ZHX3: variants seen among roughly 807,000 people sequenced by gnomAD.
ZHX3 encodes zinc fingers and homeoboxes 3.
A neutral mutation model predicts 64.5 loss-of-function variants in ZHX3; 20 were observed. That is an observed-to-expected ratio of 0.31 (90% CI 0.22 to 0.45). The LOEUF (loss-of-function observed/expected upper bound fraction) is 0.45. Among genes scored for constraint, ZHX3 ranks in the 20% least tolerant of loss-of-function variants. The pLI is 1.00. For synonymous variants in ZHX3, 423 were observed against 461.6 expected, an observed-to-expected ratio of 0.92 and a Z score of 1.07; for missense variants, 1,041 against 1,195.8, an observed-to-expected ratio of 0.87 and a Z score of 1.91.
At position 41,203,616 on chromosome 20, in the gene ZHX3, T is replaced by C. The variant is rs540387364; in HGVS notation, c.1301A>G (p.Asn434Ser). ...AGGGGAACTTGTTGCTTGCAACCCA[T>C]TGGCCATCAATGGCTGAGTGACCAG... ...GLLVTQPLMA[N>S]GLQATSSPLP... The change falls in exon 3 of 4, where the codon AAT (asparagine) becomes AGT (serine). Residue 434 changes from asparagine to serine, a missense_variant. Asn to Ser is a conservative substitution (Grantham distance 46). Transcript: ENST00000683867. The surrounding 1 kb of genome is among the most constrained non-coding windows in gnomAD (Gnocchi z 7.1). 38 of 1,614,226 alleles carry C rather than the reference T, an allele frequency of 2.4e-5. No homozygotes were observed. The highest frequency in any genetic ancestry group is 1.6e-4 in the African/African-American group (12 of 75,062).
rs559270014 is a variant in ZHX3, at chr20:41,235,564, T to C, written c.-150-30498A>G. 1.2e-4 allele frequency among the ~76,000 whole-genome samples: 18 copies of C among 152,226 alleles called. No individual in the cohort carries two copies. The East Asian group carries it at 3.5e-3, about 29-fold the overall frequency. Reference sequence around the variant, plus strand: ...GATGCAGAAAAGGCCTTTGACAAAATTCAACAGCCCTTAATGCTAAAAACT... The same window carrying C: ...GATGCAGAAAAGGCCTTTGACAAAACTCAACAGCCCTTAATGCTAAAAACT... On this transcript the variant is annotated intron_variant, in intron 2 of 3. Coordinates refer to ENST00000683867, the MANE Select transcript of ZHX3 (RefSeq NM_001384317.1).
intron 3 of ZHX3, chr20:41,197,095 G>T: frequency 4.6e-6 from 1 of 218,048 alleles, no homozygotes; most frequent in Non-Finnish European, 9.6e-6. Flanking sequence ...AGAGAAGAAG[G>T]CGTATGTTCA....
rs1288015873 is a variant in ZHX3 at position 41,219,252 on chromosome 20, T to C, written c.-150-14186A>G. The stretch of plus-strand genomic sequence containing the variant: ...CCTTCCCCCTCAACTCTTATTTTTG[T>C]CTAATCACCAACAGAAATAGCCCAC... On this transcript the variant is annotated intron_variant, in intron 2 of 3. Transcript: ENST00000683867. This position sits in a 1 kb window ranked among gnomAD's most constrained non-coding sequence, Gnocchi z 5.0. Among the ~76,000 whole-genome samples the C allele has an allele frequency of 1.1e-4, 17 of 152,254 alleles. No individual in the cohort carries two copies. The highest frequency in any genetic ancestry group is 2.4e-4 in the Non-Finnish European group (16 of 68,000).
Position 41,233,160 on chromosome 20 carries a change from C to A in ZHX3, c.-150-28094G>T, listed in dbSNP as rs576153591. Among the ~76,000 whole-genome samples, 16 of 152,314 alleles carry A rather than the reference C, an allele frequency of 1.1e-4. 1 individual carries two copies. The South Asian group carries it at 2.3e-3, about 22-fold the overall frequency. ...CTGATACAACTAGCTGGCACATGACCATGCAATGCTGAGACATGATAACAT... is the reference window on the plus strand; with the variant it reads ...CTGATACAACTAGCTGGCACATGACAATGCAATGCTGAGACATGATAACAT... On this transcript the variant is annotated intron_variant, in intron 2 of 3. Coordinates refer to ENST00000683867, the MANE Select transcript of ZHX3 (RefSeq NM_001384317.1).
intron 2 of ZHX3, among the ~76,000 whole-genome samples, chr20:41,237,464 G>A (rs6102317): frequency 0.062 from 9,397 of 152,192 alleles, 954 homozygotes; most frequent in African/African-American, 0.22. Context: ...TCCTTTGTAA[G>A]GACATAGATG....
Position 41,224,661 on chromosome 20 carries a change from A to C in ZHX3, c.-150-19595T>G, listed in dbSNP as rs1380043011. Among the ~76,000 whole-genome samples the C allele has an allele frequency of 1.3e-5, 2 of 152,222 alleles. No homozygotes were observed. Among genetic ancestry groups the C allele is most frequent in the Non-Finnish European group, 2.9e-5 (2 of 68,046 alleles). ...GGGACAAGGAAACACTGCTAGAATTAAGGAGGATTAGGATTCTTTCATCAC... is the reference window on the plus strand; with the variant it reads ...GGGACAAGGAAACACTGCTAGAATTCAGGAGGATTAGGATTCTTTCATCAC... On this transcript the variant is annotated intron_variant, in intron 2 of 3. Transcript: ENST00000683867. The surrounding 1 kb of genome is among the most constrained non-coding windows in gnomAD (Gnocchi z 5.2).
At chr20:41,298,335 G>C (rs572229942) in intron 1 of ZHX3, among the ~76,000 whole-genome samples, 3 of 152,218 alleles carry the variant, frequency 2.0e-5, no homozygotes, top group African/African-American at 7.2e-5. Context: ...ATTAACACAG[G>C]GTTAATGATA....
In ZHX3 at chr20:41,232,011, C is replaced by T. The variant is rs1008566096; in HGVS notation, c.-150-26945G>A. Among the ~76,000 whole-genome samples the T allele has an allele frequency of 2.0e-5, 3 of 152,068 alleles. No homozygotes were observed. The highest frequency in any genetic ancestry group is 4.4e-5 in the Non-Finnish European group (3 of 68,004). ...ATGGTTAAAACAACCACATTCCGTA[C>T]CATTAGACGCTGACAGCCCAGACCC... On this transcript the variant is annotated intron_variant, in intron 2 of 3. Transcript: ENST00000683867. The surrounding 1 kb of genome is among the most constrained non-coding windows in gnomAD (Gnocchi z 5.0).
intron 3 of ZHX3, among the ~76,000 whole-genome samples, chr20:41,194,488 TTTTTGTATCTATA>T (rs1359238472): frequency 6.6e-6 from 1 of 152,236 alleles, no homozygotes; most frequent in East Asian, 1.9e-4. Flanking sequence ...TTGTTGGGGA[TTTTTGTATCTATA>T]TTCATAAGAG....
At position 41,218,456 on chromosome 20, in the gene ZHX3, T is replaced by C. The variant is rs536747127; in HGVS notation, c.-150-13390A>G. ...AAGACCCTGTCTCTAAATAAATAAA[T>C]AAATAAATAAATAAATGGTAAAAAG... On this transcript the variant is annotated intron_variant, in intron 2 of 3. Transcript: ENST00000683867. Among the ~76,000 whole-genome samples the C allele has an allele frequency of 8.6e-5, 13 of 152,016 alleles. No homozygotes were observed. In the South Asian group the frequency reaches 2.5e-3, roughly 29 times the overall value.
intron 2 of ZHX3, among the ~76,000 whole-genome samples, chr20:41,239,887 A>C (rs931743358): frequency 6.6e-6 from 1 of 152,216 alleles, no homozygotes; most frequent in African/African-American, 2.4e-5. Context: ...TACAGAGATA[A>C]ATTCTTTTGA....
chr20:41,181,023 C>T lies in ZHX3; in HGVS notation c.*4168G>A, dbSNP rs1040581072. On this transcript the variant is annotated 3_prime_UTR_variant, in exon 4 of 4. Coordinates refer to ENST00000683867, the MANE Select transcript of ZHX3 (RefSeq NM_001384317.1). ...TCAGACAATGGAGCTTTTCTGAGAT[C>T]AAGTGCTCCCCAAACTACATGGGAG... The T allele has an allele frequency of 2.0e-5, 3 of 152,270 alleles. No homozygotes were observed. The highest frequency in any genetic ancestry group is 4.4e-5 in the Non-Finnish European group (3 of 68,078). The allele number at this position is 152,270 out of a possible 1,614,324, so 9.4% of individuals were successfully genotyped here. A position where few individuals can be genotyped will look rare whatever the true frequency, so the allele number is the denominator to read the frequency against.
chr20:41,228,591 C>G lies in ZHX3; in HGVS notation c.-150-23525G>C, dbSNP rs1251244852. Among the ~76,000 whole-genome samples, 1 of 152,106 alleles carries G rather than the reference C, an allele frequency of 6.6e-6. No homozygotes were observed. Among genetic ancestry groups the G allele is most frequent in the East Asian group, 1.9e-4 (1 of 5,194 alleles). On this transcript the variant is annotated intron_variant, in intron 2 of 3. Coordinates refer to ENST00000683867, the MANE Select transcript of ZHX3 (RefSeq NM_001384317.1). This position sits in a 1 kb window ranked among gnomAD's most constrained non-coding sequence, Gnocchi z 4.6. ...ACTGTCCTCACATGGCAGAAGGGAC[C>G]AGGGAGTGTCTGGGGTCTCTTTTAT...
At chr20:41,206,657 A>C (rs200761350) in intron 2 of ZHX3, among the ~76,000 whole-genome samples, 6 of 152,216 alleles carry the variant, frequency 3.9e-5, no homozygotes, top group Non-Finnish European at 8.8e-5. Flanking sequence ...TGTGAAAAGA[A>C]CAAATCTACG....
chr20:41,204,107 C>T lies in ZHX3; in HGVS notation c.810G>A (p.Gln270=), dbSNP rs1380282057. ...TVPVLPAGIA[Q]FLSLQQQPPV... The stretch of plus-strand genomic sequence containing the variant: ...GGGGCTGCTGCTGGAGGGAGAGGAA[C>T]TGTGCTATGCCAGCTGGCAAAACTG... The change falls in exon 3 of 4, where the codon CAG becomes CAA. Residue 270 remains glutamine (Q), a synonymous_variant. Transcript: ENST00000683867. The surrounding 1 kb of genome is among the most constrained non-coding windows in gnomAD (Gnocchi z 6.6). 2 of 1,605,374 alleles carry T rather than the reference C, an allele frequency of 1.2e-6. No homozygotes were observed. The highest frequency in any genetic ancestry group is 2.7e-5 in the African/African-American group (2 of 74,786).
intron 1 of ZHX3, among the ~76,000 whole-genome samples, chr20:41,313,598 T>C (rs976250041): frequency 1.4e-5 from 2 of 139,548 alleles, no homozygotes; most frequent in Non-Finnish European, 3.1e-5. Flanking sequence ...TAGGCCTTTT[T>C]TTTTTTTTTT....
chr20:41,193,713 G>GTTTTTT (rs5841404), intron 3 of ZHX3, among the ~76,000 whole-genome samples: 1 of 141,834 alleles, frequency 7.1e-6, no homozygotes, highest in Non-Finnish European at 1.5e-5. Flanking sequence ...TGTTGTTTTT[G>GTTTTTT]TTTTTTTTTT....
intron 2 of ZHX3, among the ~76,000 whole-genome samples, chr20:41,254,995 G>A (rs2042167984): frequency 6.6e-6 from 1 of 152,092 alleles, no homozygotes. Context: ...CAAGGGGAGA[G>A]TGGCATTGAT....
Position 41,185,296 on chromosome 20 carries a change from G to A in ZHX3, c.2861-95C>T, listed in dbSNP as rs2036428587. 1 of 1,414,526 alleles carries A rather than the reference G, an allele frequency of 7.1e-7. No individual in the cohort carries two copies. Among genetic ancestry groups the A allele is most frequent in the East Asian group, 2.4e-5 (1 of 41,600 alleles). The allele number at this position is 1,414,526 out of a possible 1,614,324, so 87.6% of individuals were successfully genotyped here. ...TTGCTATACCAGGGTGGCATCACTG[G>A]CTTTGAGGACCTCTTAATTCCATGA... On this transcript the variant is annotated intron_variant, in intron 3 of 3. Coordinates refer to ENST00000683867, the MANE Select transcript of ZHX3 (RefSeq NM_001384317.1). This position sits in a 1 kb window ranked among gnomAD's most constrained non-coding sequence, Gnocchi z 5.0.
Sources: gnomAD v4.1 joint callset for allele counts (sites outside exome capture counted in the v4.1 genomes callset) on GRCh38, gnomAD v4.1.1 for gene constraint, Gnocchi (gnomAD v3.1) non-coding constraint, MANE v1.5 for transcripts, NCBI Gene and HGNC (gene_info 2026-07-23, HGNC 2026-07-21) for gene names.